Variants in CLIP4 observed in about 807,000 individuals in gnomAD.
CLIP4 encodes the protein CAP-Gly domain-containing linker protein 4.
Under a neutral mutation model 73.1 loss-of-function variants are expected in CLIP4, and 47 were observed. The ratio of observed to expected loss-of-function variants is 0.64; its 90% CI spans 0.51 to 0.82. The LOEUF (loss-of-function observed/expected upper bound fraction) is 0.82, where lower values mean the gene tolerates loss of function less well. Ranked by LOEUF, CLIP4 falls within the 40% of genes least tolerant of loss-of-function variation. The pLI is 0.00. For missense variants in CLIP4, 874 were observed against 852.9 expected (o/e 1.02, Z -0.31); for synonymous variants, 306 against 295.4 (o/e 1.04, Z -0.37).
chr2:29,105,633 C>T (rs1484943067), intron 1 of CLIP4, among the ~76,000 whole-genome samples: 3 of 152,218 alleles, frequency 2.0e-5, no homozygotes, highest in African/African-American at 7.2e-5. Flanking sequence ...GGGTCTGCTC[C>T]AGCTAGACTG....
At position 29,181,811 on chromosome 2, in the gene CLIP4, C is replaced by T. The variant is rs367876582; in HGVS notation, c.2036C>T (p.Pro679Leu). 2.0e-5 allele frequency: 33 copies of T among 1,613,986 alleles called. No homozygotes were observed. The African/African-American group carries it at 2.3e-4, about 11-fold the overall frequency. The change falls in exon 16 of 16, where the codon CCG becomes CTG. Residue 679 changes from proline to leucine, a missense_variant. Coordinates refer to ENST00000320081, the MANE Select transcript of CLIP4 (RefSeq NM_024692.6). ...GACAAGCGCTATTTCACCTGTAAGC[C>T]GAACCATGGAGTCTTAGTTCGACCG... ...VGDKRYFTCKPNHGVLVRPSR... is the reference protein window; with the variant it reads ...VGDKRYFTCKLNHGVLVRPSR...
At chr2:29,158,128 A>G (rs1667047746) in intron 11 of CLIP4, among the ~76,000 whole-genome samples, 2 of 152,238 alleles carry the variant, frequency 1.3e-5, no homozygotes, top group African/African-American at 4.8e-5. Flanking sequence ...CCCTAAAAGT[A>G]GAGAACCTGA....
intron 1 of CLIP4, chr2:29,118,355 T>C (rs1160766981): frequency 6.6e-5 from 10 of 151,994 alleles, no homozygotes; most frequent in Admixed American, 3.9e-4. Context: ...GGAAAAAAAA[T>C]CACAAGGTAT....
intron 8 of CLIP4, among the ~76,000 whole-genome samples, chr2:29,148,027 A>G (rs980456125): frequency 4.6e-5 from 7 of 152,302 alleles, no homozygotes; most frequent in Non-Finnish European, 1.0e-4. Context: ...AGCAGAACTC[A>G]TGGGGACTCC....
chr2:29,173,701 T>A (rs1352898289), intron 14 of CLIP4, among the ~76,000 whole-genome samples: 1 of 152,228 alleles, frequency 6.6e-6, no homozygotes, highest in Non-Finnish European at 1.5e-5. Context: ...ACGTCTGGTC[T>A]GCCATAACTG....
chr2:29,159,155 G>A (rs1028512536), intron 11 of CLIP4, among the ~76,000 whole-genome samples: 15 of 152,148 alleles, frequency 9.9e-5, no homozygotes, highest in African/African-American at 3.6e-4. Flanking sequence ...ATAGAATATT[G>A]GTTATGATGA....
intron 14 of CLIP4, among the ~76,000 whole-genome samples, chr2:29,174,025 T>C (rs1370396937): frequency 6.6e-6 from 1 of 152,234 alleles, no homozygotes; most frequent in Non-Finnish European, 1.5e-5. Context: ...CACTTATTCA[T>C]CTATGTGTAT....
chr2:29,127,716 C>G lies in CLIP4; in HGVS notation c.134-3542C>G, dbSNP rs115664000. On this transcript the variant is annotated intron_variant, in intron 2 of 15. Transcript: ENST00000320081. ...CTGTGATCTTAAAGTTACCAGAAAC[C>G]TGCACTTGTCAGAGTCTTTTCTGTA... 7.8e-3 allele frequency among the ~76,000 whole-genome samples: 1,191 copies of G among 152,210 alleles called. 15 individuals are homozygous for G. The highest frequency in any genetic ancestry group is 0.027 in the African/African-American group (1,137 of 41,526).
intron 8 of CLIP4, among the ~76,000 whole-genome samples, chr2:29,146,012 G>A (rs1666141691): frequency 6.6e-6 from 1 of 152,216 alleles, no homozygotes; most frequent in Admixed American, 6.5e-5. Flanking sequence ...ATGATGGAAA[G>A]GTTTAGGAGG....
At chr2:29,156,514 C>A in intron 10 of CLIP4, 71 bp downstream of exon 10, 1 of 1,105,958 alleles carries the variant, frequency 9.0e-7, no homozygotes, top group South Asian at 1.5e-5. Context: ...GGTAGGAAAA[C>A]AGTTTATATG....
chr2:29,156,166 T>A (rs1666908303), intron 9 of CLIP4, among the ~76,000 whole-genome samples, 188 bp from the exon 10 acceptor site: 1 of 152,240 alleles, frequency 6.6e-6, no homozygotes. Flanking sequence ...GTAGCCACTG[T>A]TACTGTCTCC....
chr2:29,131,219 A>G (rs1664947138), intron 2 of CLIP4, 39 bp from the exon 3 acceptor site: 5 of 1,466,050 alleles, frequency 3.4e-6, no homozygotes, highest in Non-Finnish European at 4.7e-6. Flanking sequence ...TTTATTTGAA[A>G]CTTTTAGTAA....
intron 1 of CLIP4, among the ~76,000 whole-genome samples, chr2:29,107,718 C>A (rs1016108133): frequency 5.3e-5 from 8 of 151,944 alleles, no homozygotes; most frequent in African/African-American, 1.9e-4. Flanking sequence ...CTATGCTGCC[C>A]AGGCTGGAGT....
intron 1 of CLIP4, among the ~76,000 whole-genome samples, chr2:29,099,343 C>T (rs1225753494): frequency 5.3e-5 from 8 of 152,254 alleles, no homozygotes; most frequent in South Asian, 2.1e-4. Context: ...TTGAATTTTA[C>T]GTTTATGTCC....
At chr2:29,132,052 A>G in intron 3 of CLIP4, 100 bp from the exon 4 acceptor site, 1 of 791,600 alleles carries the variant, frequency 1.3e-6, no homozygotes, top group Non-Finnish European at 2.2e-6. Flanking sequence ...CTGAGAAGTA[A>G]TTCAGATACG....
At chr2:29,142,098 T>C (rs1158291526) in intron 6 of CLIP4, among the ~76,000 whole-genome samples, 1 of 152,206 alleles carries the variant, frequency 6.6e-6, no homozygotes, top group Non-Finnish European at 1.5e-5. Context: ...ATGAAGAACA[T>C]AGACTATGTG....
rs564237594 is a variant in CLIP4, at chr2:29,108,848, T to G, written c.-16+10901T>G. On this transcript the variant is annotated intron_variant, in intron 1 of 14. Coordinates refer to the CLIP4 transcript ENST00000401605. ...AATTTAATATCCAGTCTAGGCTAAA[T>G]TTCCCCCATTTGTCTAAGGAATATT... Among the ~76,000 whole-genome samples the G allele has an allele frequency of 7.5e-4, 115 of 152,344 alleles. 1 individual carries two copies. The highest frequency in any genetic ancestry group is 2.7e-3 in the African/African-American group (114 of 41,586).
intron 14 of CLIP4, among the ~76,000 whole-genome samples, chr2:29,169,303 CTG>C (rs1667844033): frequency 6.6e-6 from 1 of 150,950 alleles, no homozygotes; most frequent in Non-Finnish European, 1.5e-5. Flanking sequence ...CCTTCTATCT[CTG>C]GTGTTTTCAT....
chr2:29,149,297 G>C (rs1353611136), intron 8 of CLIP4, among the ~76,000 whole-genome samples: 1 of 152,040 alleles, frequency 6.6e-6, no homozygotes, highest in Non-Finnish European at 1.5e-5. Flanking sequence ...TGTTGTACAG[G>C]TTATTTAGTA....
Sources: gnomAD v4.1 joint callset for allele counts (sites outside exome capture counted in the v4.1 genomes callset) on GRCh38, gnomAD v4.1.1 for gene constraint, MANE v1.5 for transcripts, NCBI Gene and HGNC (gene_info 2026-07-23, HGNC 2026-07-21) for gene names.